RABGAP1L: variants seen among roughly 807,000 people sequenced by gnomAD.
RABGAP1L encodes the protein RAB GTPase activating protein 1 like, also known as rab GTPase-activating protein 1-like.
Under a neutral mutation model 137.7 loss-of-function variants are expected in RABGAP1L, and 63 were observed. The observed-to-expected ratio is 0.46, with a 90% CI of 0.37 to 0.56. The LOEUF (loss-of-function observed/expected upper bound fraction) is 0.56, where lower values mean the gene tolerates loss of function less well. Among genes scored for constraint, RABGAP1L ranks in the 20% least tolerant of loss-of-function variants. The pLI is 0.00. For synonymous variants in RABGAP1L, 431 were observed against 433.7 expected (o/e 0.99, Z 0.08); for missense variants, 1,095 against 1,244.0 (o/e 0.88, Z 1.80).
rs757821215 is a variant in RABGAP1L, at chr1:174,708,759, G to GTTTGT, written c.2169+6527_2169+6531dup. On this transcript the variant is annotated intron_variant, in intron 17 of 25. Transcript: ENST00000681986. ...AAGCTAGCTGCAGGAGTTTTTGTTT[G>GTTTGT]TTTGTTTTGTTTTGTTTTGTTTTGT... 8.7e-4 allele frequency among the ~76,000 whole-genome samples: 133 copies of GTTTGT among 152,178 alleles called. 2 individuals are homozygous for GTTTGT. The Middle Eastern group carries it at 0.01, about 12-fold the overall frequency.
Position 174,547,029 on chromosome 1 carries a change from C to CAAAAAAA in RABGAP1L, c.1711-90325_1711-90319dup, listed in dbSNP as rs375413887. Among the ~76,000 whole-genome samples, 20 of 78,230 alleles carry CAAAAAAA rather than the reference C, an allele frequency of 2.6e-4. 1 individual carries two copies. The highest frequency in any genetic ancestry group is 1.5e-3 in the East Asian group (3 of 1,948). 51.3% of individuals were successfully genotyped at this position (78,230 alleles called of 152,430 possible). ...TGGGCGAAAGAGCGAGACTCTGTCT[C>CAAAAAAA]AAAAAAAAAAAAAAAAAAAAAAAAA... is the stretch of plus-strand genomic sequence containing the variant. On this transcript the variant is annotated intron_variant, in intron 13 of 25. Coordinates refer to ENST00000681986, the MANE Select transcript of RABGAP1L (RefSeq NM_001366446.1).
Position 174,992,064 on chromosome 1 carries a change from A to T in RABGAP1L, c.*2063A>T, listed in dbSNP as rs779973805. 1 of 152,196 alleles carries T rather than the reference A, an allele frequency of 6.6e-6. No individual in the cohort carries two copies. 9.4% of individuals were successfully genotyped at this position (152,196 alleles called of 1,614,324 possible). On this transcript the variant is annotated 3_prime_UTR_variant, in exon 26 of 26. Coordinates refer to ENST00000681986, the MANE Select transcript of RABGAP1L (RefSeq NM_001366446.1). The stretch of plus-strand genomic sequence containing the variant: ...TTAAATAATAGTAGGTGAGGGAGAA[A>T]CATAATGGCTCTAGGTCAATCCCTT...
intron 17 of RABGAP1L, among the ~76,000 whole-genome samples, chr1:174,712,926 G>T (rs1006681182): frequency 7.9e-5 from 12 of 152,090 alleles, no homozygotes; most frequent in Non-Finnish European, 1.5e-5. Context: ...GTGCCCCCAG[G>T]GTCTTGGGGA....
At chr1:174,502,606 A>ATG (rs1355545929) in intron 13 of RABGAP1L, among the ~76,000 whole-genome samples, 1 of 131,580 alleles carries the variant, frequency 7.6e-6, no homozygotes, top group Non-Finnish European at 1.6e-5. Flanking sequence ...ATGTACATAT[A>ATG]TGTGTGTATA....
chr1:174,777,015 T>A (rs1686577073), intron 18 of RABGAP1L, among the ~76,000 whole-genome samples: 1 of 152,192 alleles, frequency 6.6e-6, no homozygotes, highest in Non-Finnish European at 1.5e-5. Flanking sequence ...TTTTACTAAA[T>A]ATTGTGACAT....
intron 14 of RABGAP1L, among the ~76,000 whole-genome samples, chr1:174,675,483 T>G (rs1218900915): frequency 6.6e-6 from 1 of 151,830 alleles, no homozygotes; most frequent in Non-Finnish European, 1.5e-5. Flanking sequence ...GCTGTTTTGG[T>G]TACTGTAGCC....
At chr1:174,951,828 C>T (rs1477403385) in intron 19 of RABGAP1L, among the ~76,000 whole-genome samples, 2 of 152,180 alleles carry the variant, frequency 1.3e-5, no homozygotes, top group South Asian at 2.1e-4. Context: ...AATTATTCCA[C>T]CCAAAATGCC....
chr1:174,786,441 T>C (rs1687453166), intron 18 of RABGAP1L, among the ~76,000 whole-genome samples: 1 of 152,234 alleles, frequency 6.6e-6, no homozygotes, highest in Admixed American at 6.5e-5. Flanking sequence ...TATTATATTG[T>C]ACACAGTAAA....
Position 174,687,841 on chromosome 1 carries a change from A to G in RABGAP1L, c.1899+4245A>G, listed in dbSNP as rs184865478. ...TTTCACATTCATTGCCTGAGAAGAA[A>G]GTAAGACCAAAAATGAAAGTATGTT... On this transcript the variant is annotated intron_variant, in intron 15 of 25. Coordinates refer to ENST00000681986, the MANE Select transcript of RABGAP1L (RefSeq NM_001366446.1). Among the ~76,000 whole-genome samples, 363 of 152,350 alleles carry G rather than the reference A, an allele frequency of 2.4e-3. 1 individual carries two copies. The highest frequency in any genetic ancestry group is 3.7e-3 in the Non-Finnish European group (251 of 68,016).
At chr1:174,206,013 C>T (rs893847686) in intron 1 of RABGAP1L, among the ~76,000 whole-genome samples, 15 of 152,090 alleles carry the variant, frequency 9.9e-5, no homozygotes, top group African/African-American at 3.4e-4. Flanking sequence ...TTCTTGTCTC[C>T]GTCTAGGGTT....
chr1:174,159,919 GGGGGTGGGGTAGTGGC>G (rs2148167416), intron 1 of RABGAP1L: 1 of 152,402 alleles, frequency 6.6e-6, no homozygotes, highest in African/African-American at 2.4e-5. Flanking sequence ...GCCCTTACCT[GGGGGTGGGGTAGTGGC>G]TTTGGCGGCC....
At chr1:174,833,955 A>G (rs1573415468) in intron 19 of RABGAP1L, among the ~76,000 whole-genome samples, 1 of 152,214 alleles carries the variant, frequency 6.6e-6, no homozygotes, top group East Asian at 1.9e-4. Flanking sequence ...CTAACCAGCT[A>G]AAGAGGAATA....
At chr1:174,938,335 A>C (rs1665257450) in intron 19 of RABGAP1L, 1 of 152,180 alleles carries the variant, frequency 6.6e-6, no homozygotes, top group African/African-American at 2.4e-5. Context: ...TTCTTGTAAT[A>C]AAATATAATT....
In RABGAP1L at chr1:174,476,613, A is replaced by G. The variant is rs150865293; in HGVS notation, c.1710+82468A>G. Among the ~76,000 whole-genome samples, 196 of 152,342 alleles carry G rather than the reference A, an allele frequency of 1.3e-3. 1 individual carries two copies. The highest frequency in any genetic ancestry group is 4.6e-3 in the African/African-American group (192 of 41,592). ...AATGGACATTTGGCACTATTGGGAA[A>G]TGATACTTGGTTAAGCAGTGCTTTA... On this transcript the variant is annotated intron_variant, in intron 13 of 25. Transcript: ENST00000681986.
chr1:174,309,080 A>G (rs1312244348), intron 11 of RABGAP1L, among the ~76,000 whole-genome samples: 4 of 152,006 alleles, frequency 2.6e-5, no homozygotes, highest in Non-Finnish European at 5.9e-5. Context: ...CAGTGGAGAG[A>G]TCTTTCACCT....
At chr1:174,554,546 T>C (rs1036588594) in intron 13 of RABGAP1L, among the ~76,000 whole-genome samples, 2 of 152,242 alleles carry the variant, frequency 1.3e-5, no homozygotes, top group African/African-American at 4.8e-5. Context: ...TATTTCAAAG[T>C]AAAATATGCC....
chr1:174,552,616 A>G (rs781483898), intron 13 of RABGAP1L, among the ~76,000 whole-genome samples: 31 of 152,168 alleles, frequency 2.0e-4, no homozygotes, highest in Non-Finnish European at 4.0e-4. Context: ...CTCTTTATCC[A>G]GTCTATCACT....
chr1:174,607,347 C>T (rs1032830773), intron 13 of RABGAP1L, among the ~76,000 whole-genome samples: 1 of 152,170 alleles, frequency 6.6e-6, no homozygotes, highest in African/African-American at 2.4e-5. Context: ...AAGTTGCCTT[C>T]AGTCTCTACG....
chr1:174,945,383 A>G (rs1049861379), intron 19 of RABGAP1L: 6 of 152,192 alleles, frequency 3.9e-5, no homozygotes, highest in African/African-American at 1.4e-4. Flanking sequence ...TTTACAATGG[A>G]TTTTGAGCAC....
Sources: gnomAD v4.1 joint callset for allele counts (sites outside exome capture counted in the v4.1 genomes callset) on GRCh38, gnomAD v4.1.1 for gene constraint, MANE v1.5 for transcripts, NCBI Gene and HGNC (gene_info 2026-07-23, HGNC 2026-07-21) for gene names.